The following LRRC4C variants were observed in gnomAD, a reference collection of about 807,000 sequenced individuals.
LRRC4C encodes leucine-rich repeat-containing protein 4C.
A neutral mutation model predicts 33.6 loss-of-function variants in LRRC4C; 5 were observed. That is an observed-to-expected ratio of 0.15 (90% CI 0.08 to 0.31). The LOEUF is 0.31. Ranked by LOEUF, LRRC4C falls within the 10% of genes least tolerant of loss-of-function variation. The pLI is 1.00. For synonymous variants in LRRC4C, 329 were observed against 302.0 expected, an observed-to-expected ratio of 1.09 and a Z score of -0.93; for missense variants, 560 against 796.7, an observed-to-expected ratio of 0.70 and a Z score of 3.58.
intron 2 of LRRC4C, among the ~76,000 whole-genome samples, chr11:40,894,596 A>G (rs1342129597): frequency 6.6e-6 from 1 of 152,156 alleles, no homozygotes; most frequent in Non-Finnish European, 1.5e-5. Flanking sequence ...TCTGCATCCC[A>G]GCATTTCAGT....
In LRRC4C at chr11:40,997,119, T is replaced by C. The variant is rs750547640; in HGVS notation, c.-495-63396A>G. 2.0e-5 allele frequency among the ~76,000 whole-genome samples: 3 copies of C among 152,074 alleles called. No individual in the cohort carries two copies. The East Asian group carries it at 5.8e-4, about 29-fold the overall frequency. Reference sequence around the variant, plus strand: ...AGTTCTGCAATGATATCTGTGTGGATAATAGAGATTTGTGAATTATGAAAA... The same window carrying C: ...AGTTCTGCAATGATATCTGTGTGGACAATAGAGATTTGTGAATTATGAAAA... On this transcript the variant is annotated intron_variant, in intron 1 of 6. Coordinates refer to ENST00000528697, the MANE Select transcript of LRRC4C (RefSeq NM_001258419.2).
intron 2 of LRRC4C, among the ~76,000 whole-genome samples, chr11:40,743,332 C>T (rs546687698): frequency 2.2e-4 from 33 of 152,068 alleles, no homozygotes; most frequent in African/African-American, 6.7e-4. Context: ...TCTCTTGCTG[C>T]GGTAACAAAC....
rs111429389 is a variant in LRRC4C, at chr11:40,423,047, C to T, written c.-269-103326G>A. On this transcript the variant is annotated intron_variant, in intron 3 of 6. Coordinates refer to ENST00000528697, the MANE Select transcript of LRRC4C (RefSeq NM_001258419.2). ...ACCTATGTCTATTTTGTCTGCTTGG[C>T]GGAAGTGATATATAACAGTATGAGA... Among the ~76,000 whole-genome samples the T allele has an allele frequency of 4.3e-4, 66 of 152,124 alleles. 3 individuals carry two copies. The highest frequency in any genetic ancestry group is 1.1e-3 in the African/African-American group (46 of 41,514).
Position 40,143,322 on chromosome 11 carries a change from G to C in LRRC4C, c.-95-2469C>G, listed in dbSNP as rs1246686647. ...AAGTCAGATCATGTTCCTTCTCAAT[G>C]CTCAATGGCTTCTCGCAACACTCAG... On this transcript the variant is annotated intron_variant, in intron 5 of 6. Coordinates refer to ENST00000528697, the MANE Select transcript of LRRC4C (RefSeq NM_001258419.2). Among the ~76,000 whole-genome samples the C allele has an allele frequency of 3.3e-5, 5 of 152,220 alleles. No homozygotes were observed. The South Asian group carries it at 6.2e-4, about 19-fold the overall frequency.
intron 3 of LRRC4C, among the ~76,000 whole-genome samples, chr11:40,320,773 A>C (rs1049461820): frequency 2.0e-5 from 3 of 152,116 alleles, no homozygotes; most frequent in African/African-American, 7.2e-5. Context: ...TTCTGTGATA[A>C]TTTTCCTTCT....
At chr11:41,234,307 T>C (rs1947928660) in intron 1 of LRRC4C, among the ~76,000 whole-genome samples, 2 of 152,130 alleles carry the variant, frequency 1.3e-5, no homozygotes, top group South Asian at 2.1e-4. Context: ...CATTGTGAAT[T>C]GGCTAAAATG....
chr11:40,467,073 T>C (rs1205751205), intron 3 of LRRC4C, among the ~76,000 whole-genome samples: 7 of 152,152 alleles, frequency 4.6e-5, no homozygotes, highest in Admixed American at 3.9e-4. Flanking sequence ...AACAGTTGCA[T>C]ATTTTTTCAG....
At chr11:40,217,348 G>A (rs1430302052) in intron 5 of LRRC4C, among the ~76,000 whole-genome samples, 2 of 152,030 alleles carry the variant, frequency 1.3e-5, no homozygotes, top group Admixed American at 1.3e-4. Context: ...AATACAGCTA[G>A]TAAATAGCAA....
chr11:41,346,759 G>A (rs971037972), intron 1 of LRRC4C, among the ~76,000 whole-genome samples: 3 of 152,116 alleles, frequency 2.0e-5, no homozygotes, highest in African/African-American at 7.2e-5. Flanking sequence ...GTTTAACATA[G>A]CATTCCAAAC....
At chr11:41,380,345 T>C (rs181490213) in intron 1 of LRRC4C, among the ~76,000 whole-genome samples, 27 of 152,244 alleles carry the variant, frequency 1.8e-4, no homozygotes, top group Admixed American at 5.9e-4. Context: ...TATTGATTAA[T>C]TACATGGAAA....
chr11:40,965,747 G>A (rs113762910), intron 1 of LRRC4C, among the ~76,000 whole-genome samples: 1 of 151,802 alleles, frequency 6.6e-6, no homozygotes, highest in Non-Finnish European at 1.5e-5. Flanking sequence ...TTGGTACCAG[G>A]ACCATGCTGT....
At chr11:41,451,603 GA>G (rs1161049610) in intron 1 of LRRC4C, among the ~76,000 whole-genome samples, 1 of 152,076 alleles carries the variant, frequency 6.6e-6, no homozygotes, top group Non-Finnish European at 1.5e-5. Flanking sequence ...TAAAGAAAGG[GA>G]AAACAGGAAA....
chr11:40,453,967 A>C (rs1465120651), intron 3 of LRRC4C, among the ~76,000 whole-genome samples: 1 of 152,200 alleles, frequency 6.6e-6, no homozygotes, highest in Non-Finnish European at 1.5e-5. Flanking sequence ...CTCACTAAAT[A>C]AGTTAAAAAT....
intron 1 of LRRC4C, among the ~76,000 whole-genome samples, chr11:41,394,010 C>T (rs556861475): frequency 9.1e-4 from 139 of 152,026 alleles, no homozygotes; most frequent in African/African-American, 3.0e-3. Flanking sequence ...CATTCACCTG[C>T]ACCTTTTATC....
At chr11:41,269,177 A>T (rs1949242837) in intron 1 of LRRC4C, among the ~76,000 whole-genome samples, 1 of 152,134 alleles carries the variant, frequency 6.6e-6, no homozygotes, top group South Asian at 2.1e-4. Flanking sequence ...CCCAGAGACC[A>T]TGATGCTGGG....
intron 4 of LRRC4C, among the ~76,000 whole-genome samples, chr11:40,315,832 G>C (rs1945548384): frequency 6.6e-6 from 1 of 151,942 alleles, no homozygotes; most frequent in Non-Finnish European, 1.5e-5. Context: ...TTATAAAAAT[G>C]CTCCTTCTCT....
intron 3 of LRRC4C, among the ~76,000 whole-genome samples, chr11:40,588,913 G>A (rs1482738820): frequency 4.6e-5 from 7 of 152,028 alleles, no homozygotes; most frequent in Admixed American, 3.3e-4. Flanking sequence ...GGTCAATTTT[G>A]GAATAGGTGT....
chr11:40,487,204 T>C (rs906172271), intron 3 of LRRC4C, among the ~76,000 whole-genome samples: 1 of 152,104 alleles, frequency 6.6e-6, no homozygotes, highest in South Asian at 2.1e-4. Context: ...GTTAAACTTA[T>C]TTTAATGAGA....
intron 3 of LRRC4C, among the ~76,000 whole-genome samples, chr11:40,506,003 T>C (rs1005146876): frequency 6.6e-6 from 1 of 152,170 alleles, no homozygotes; most frequent in African/African-American, 2.4e-5. Flanking sequence ...TTTAACATAT[T>C]GTTACATAGT....
Sources: allele counts gnomAD v4.1 joint callset (sites outside exome capture counted in the v4.1 genomes callset), GRCh38; gene constraint gnomAD v4.1.1; transcripts MANE v1.5; gene names NCBI Gene and HGNC (gene_info 2026-07-23, HGNC 2026-07-21).